Variants in AQP10 observed in about 807,000 individuals in gnomAD.
AQP10 encodes the protein aquaporin 10, also known as aquaporin-10.
AQP10 carries 15 observed loss-of-function variants against 21.0 expected under a neutral mutation model. That is an observed-to-expected ratio of 0.71 (90% CI 0.48 to 1.10). The LOEUF is 1.10. Ranked by LOEUF, AQP10 falls within the 50% of genes least tolerant of loss-of-function variation. The probability of loss-of-function intolerance (pLI) is 0.00; values close to 1 mark genes in which losing one functional copy is unlikely to be tolerated. For missense variants in AQP10, 268 were observed against 379.5 expected, an observed-to-expected ratio of 0.71 and a Z score of 2.44; for synonymous variants, 143 against 155.7, an observed-to-expected ratio of 0.92 and a Z score of 0.61.
intron 2 of AQP10, 127 bp from the exon 3 acceptor site, chr1:154,322,855 T>G: frequency 8.0e-7 from 1 of 1,245,062 alleles, no homozygotes; most frequent in South Asian, 1.4e-5. Context: ...CTCAATTTCC[T>G]AAGCTGTGTG....
At position 154,323,773 on chromosome 1, in the gene AQP10, C is replaced by T; in HGVS notation, c.674C>T (p.Thr225Ile). Reference sequence around the variant, plus strand: ...CGGGACCTGGGCCCACGTCTCTTCACCTACGTGGCTGGCTGGGGTCCTGAA... The same window carrying T: ...CGGGACCTGGGCCCACGTCTCTTCATCTACGTGGCTGGCTGGGGTCCTGAA... ...PARDLGPRLF[T>I]YVAGWGPEVF... The change falls in exon 5 of 6, where the codon ACC (threonine) becomes ATC (isoleucine). Residue 225 changes from threonine to isoleucine, a missense_variant. By Grantham distance (89) the Thr-to-Ile change is moderately conservative. This residue lies in a region of AQP10 where 229 missense variants were observed against 295.1 expected (regional missense o/e 0.78). Transcript: ENST00000324978. This position sits in a 1 kb window ranked among gnomAD's most constrained non-coding sequence, Gnocchi z 4.5. The T allele has an allele frequency of 6.2e-7, 1 of 1,614,212 alleles. No homozygotes were observed. The highest frequency in any genetic ancestry group is 8.5e-7 in the Non-Finnish European group (1 of 1,180,024).
chr1:154,324,700 C>A lies in AQP10; in HGVS notation c.*220C>A. On this transcript the variant is annotated 3_prime_UTR_variant, in exon 6 of 6. Transcript: ENST00000324978. ...TCAGGCTTCTCATCCCCTCCTCCCG[C>A]AAAGCGGTTTTCTGACCCTCAGGGC... The A allele has an allele frequency of 2.0e-6, 1 of 491,164 alleles. No individual in the cohort carries two copies. Among genetic ancestry groups the A allele is most frequent in the Non-Finnish European group, 3.5e-6 (1 of 283,510 alleles). 30.4% of individuals were successfully genotyped at this position (491,164 alleles called of 1,614,324 possible).
intron 1 of AQP10, among the ~76,000 whole-genome samples, chr1:154,321,704 C>G (rs1685644655): frequency 6.6e-6 from 1 of 152,120 alleles, no homozygotes; most frequent in South Asian, 2.1e-4. Context: ...GGGTTTGTAC[C>G]CTCAAATGCC....
In AQP10 at chr1:154,324,549, A is replaced by G; in HGVS notation, c.*69A>G. 2.7e-6 allele frequency: 4 copies of G among 1,493,512 alleles called. No homozygotes were observed. The highest frequency in any genetic ancestry group is 3.6e-6 in the Non-Finnish European group (4 of 1,096,470). The allele number at this position is 1,493,512 out of a possible 1,614,324, so 92.5% of individuals were successfully genotyped here. A position where few individuals can be genotyped will look rare whatever the true frequency, so the allele number is the denominator to read the frequency against. On this transcript the variant is annotated 3_prime_UTR_variant, in exon 6 of 6. Coordinates refer to ENST00000324978, the MANE Select transcript of AQP10 (RefSeq NM_080429.3). ...CTGACCCCGCCTGGGAACAACAGTC[A>G]TTCTTCCTCTTTGTTAATGTGCCAG...
In AQP10 at chr1:154,324,582, G is replaced by A; in HGVS notation, c.*102G>A. The A allele has an allele frequency of 1.6e-6, 2 of 1,251,832 alleles. No individual in the cohort carries two copies. Among genetic ancestry groups the A allele is most frequent in the Non-Finnish European group, 2.2e-6 (2 of 903,382 alleles). 77.5% of individuals were successfully genotyped at this position (1,251,832 alleles called of 1,614,324 possible). The stretch of plus-strand genomic sequence containing the variant: ...TCTTTGTTAATGTGCCAGAACCTGG[G>A]AGGCTTCTCTGTTTATCTGTTTGGC... On this transcript the variant is annotated 3_prime_UTR_variant, in exon 6 of 6. Coordinates refer to ENST00000324978, the MANE Select transcript of AQP10 (RefSeq NM_080429.3).
At position 154,323,286 on chromosome 1, in the gene AQP10, C is replaced by T; in HGVS notation, c.416C>T (p.Pro139Leu). The T allele has an allele frequency of 6.2e-7, 1 of 1,614,176 alleles. No homozygotes were observed. The highest frequency in any genetic ancestry group is 8.5e-7 in the Non-Finnish European group (1 of 1,180,036). Residue 139 changes from proline to leucine, a missense_variant, in exon 4 of 6, where the codon CCC becomes CTC. Around this residue, in one of 3 missense-constraint regions of AQP10, gnomAD observed 229 missense variants for 295.1 expected, o/e 0.78. Coordinates refer to ENST00000324978, the MANE Select transcript of AQP10 (RefSeq NM_080429.3). The surrounding 1 kb of genome is among the most constrained non-coding windows in gnomAD (Gnocchi z 4.5). ...GGTGGGAACCTGACAGTGACTGGCCCCAAGGAGACAGCCTCCATTTTTGCC... is the reference window on the plus strand; with the variant it reads ...GGTGGGAACCTGACAGTGACTGGCCTCAAGGAGACAGCCTCCATTTTTGCC... The part of the protein sequence containing the change: ...YTGGNLTVTG[P>L]KETASIFATY...
chr1:154,324,617 T>G lies in AQP10; in HGVS notation c.*137T>G. On this transcript the variant is annotated 3_prime_UTR_variant, in exon 6 of 6. Coordinates refer to ENST00000324978, the MANE Select transcript of AQP10 (RefSeq NM_080429.3). ...TGTTTATCTGTTTGGCATCCCTTCC[T>G]CCTAAACTAAGAAGGATCCTGGACA... is the stretch of plus-strand genomic sequence containing the variant. The G allele has an allele frequency of 1.1e-6, 1 of 874,168 alleles. No individual in the cohort carries two copies. The highest frequency in any genetic ancestry group is 1.7e-6 in the Non-Finnish European group (1 of 585,138). 54.2% of individuals were successfully genotyped at this position (874,168 alleles called of 1,614,324 possible). A position where few individuals can be genotyped will look rare whatever the true frequency, so the allele number is the denominator to read the frequency against.
Position 154,324,562 on chromosome 1 carries a change from G to T in AQP10, c.*82G>T. ...GGAACAACAGTCATTCTTCCTCTTT[G>T]TTAATGTGCCAGAACCTGGGAGGCT... On this transcript the variant is annotated 3_prime_UTR_variant, in exon 6 of 6. Coordinates refer to ENST00000324978, the MANE Select transcript of AQP10 (RefSeq NM_080429.3). 1 of 1,423,996 alleles carries T rather than the reference G, an allele frequency of 7.0e-7. No individual in the cohort carries two copies. Among genetic ancestry groups the T allele is most frequent in the South Asian group, 1.3e-5 (1 of 76,052 alleles). The allele number at this position is 1,423,996 out of a possible 1,614,324, so 88.2% of individuals were successfully genotyped here.
chr1:154,323,532 G>A lies in AQP10; in HGVS notation c.490-57G>A, dbSNP rs529013967. The A allele has an allele frequency of 3.2e-6, 5 of 1,570,358 alleles. No individual in the cohort carries two copies. Among genetic ancestry groups the A allele is most frequent in the African/African-American group, 1.3e-5 (1 of 74,084 alleles). On this transcript the variant is annotated intron_variant, in intron 4 of 5. Coordinates refer to ENST00000324978, the MANE Select transcript of AQP10 (RefSeq NM_080429.3). This position sits in a 1 kb window ranked among gnomAD's most constrained non-coding sequence, Gnocchi z 4.5. Reference sequence around the variant, plus strand: ...TGACATGGAATATTTGGATGAGAGAGGGCAGATGGAGCACCTGGCAGCTGA... The same window carrying A: ...TGACATGGAATATTTGGATGAGAGAAGGCAGATGGAGCACCTGGCAGCTGA...
chr1:154,322,489 C>CTTTTT (rs5777905), intron 2 of AQP10, among the ~76,000 whole-genome samples: 15 of 117,852 alleles, frequency 1.3e-4, no homozygotes, highest in East Asian at 5.0e-4. Flanking sequence ...GTGTCTTCTT[C>CTTTTT]TTTTTTTTTT....
At position 154,321,223 on chromosome 1, in the gene AQP10, A is replaced by T. The variant is rs1237901669; in HGVS notation, c.68A>T (p.Gln23Leu). The T allele has an allele frequency of 6.2e-7, 1 of 1,613,654 alleles. No individual in the cohort carries two copies. Among genetic ancestry groups the T allele is most frequent in the Non-Finnish European group, 8.5e-7 (1 of 1,179,860 alleles). ...CGGATACGCAGCCTCCTGGCCCGGC[A>T]GTGCCTGGCAGAGTTTCTGGGTGTG... ...HLRIRSLLAR[Q>L]CLAEFLGVFV... is the part of the protein sequence containing the mutation. The change falls in exon 1 of 6, where the codon CAG (glutamine) becomes CTG (leucine). Residue 23 changes from glutamine to leucine, a missense_variant. Gln to Leu is a moderately radical substitution (Grantham distance 113). Transcript: ENST00000324978.
chr1:154,323,666 G>A lies in AQP10; in HGVS notation c.567G>A (p.Leu189=). The A allele has an allele frequency of 6.2e-7, 1 of 1,614,228 alleles. No homozygotes were observed. The highest frequency in any genetic ancestry group is 8.5e-7 in the Non-Finnish European group (1 of 1,180,044). The change falls in exon 5 of 6, where the codon CTG becomes CTA. Residue 189 remains leucine, a synonymous_variant. Transcript: ENST00000324978. The surrounding 1 kb of genome is among the most constrained non-coding windows in gnomAD (Gnocchi z 4.5). ...DRRNKGVPAG[L]EPVVVGMLIL... Reference sequence around the variant, plus strand: ...GGAACAAGGGAGTCCCTGCGGGTCTGGAGCCTGTGGTGGTGGGGATGCTGA... The same window carrying A: ...GGAACAAGGGAGTCCCTGCGGGTCTAGAGCCTGTGGTGGTGGGGATGCTGA...
chr1:154,321,329 T>G (rs1414407239), intron 1 of AQP10, 69 bp downstream of exon 1: 1 of 1,299,904 alleles, frequency 7.7e-7, no homozygotes, highest in Non-Finnish European at 1.1e-6. Context: ...TCTGTTGTCC[T>G]TATCTCTTTC....
Position 154,323,171 on chromosome 1 carries a change from A to C in AQP10, c.370+52A>C. 6.2e-7 allele frequency: 1 copy of C among 1,613,994 alleles called. No homozygotes were observed. Among genetic ancestry groups the C allele is most frequent in the Non-Finnish European group, 8.5e-7 (1 of 1,179,868 alleles). ...GCCTTGAGAGCACCTGTGGGTGGGC[A>C]GGGGTGCCTCAGAATGGTTTTGGAT... On this transcript the variant is annotated intron_variant, in intron 3 of 5. Coordinates refer to ENST00000324978, the MANE Select transcript of AQP10 (RefSeq NM_080429.3). This position sits in a 1 kb window ranked among gnomAD's most constrained non-coding sequence, Gnocchi z 4.5.
chr1:154,324,189 T>G, intron 5 of AQP10, 93 bp from the exon 6 acceptor site: 1 of 1,286,340 alleles, frequency 7.8e-7, no homozygotes, highest in East Asian at 2.4e-5. Context: ...GGGAACAACT[T>G]TAGGGCACTC....
At position 154,321,104 on chromosome 1, in the gene AQP10, G is replaced by T. The variant is rs547020741; in HGVS notation, c.-52G>T. The T allele has an allele frequency of 2.5e-5, 36 of 1,443,978 alleles. 1 individual carries two copies. In the South Asian group the frequency reaches 4.1e-4, roughly 17 times the overall value. 89.4% of individuals were successfully genotyped at this position (1,443,978 alleles called of 1,614,324 possible). ...GGCAGGCAGTAGCTGTGCAGTGACA[G>T]TGTGCCTATGCAGACAGAGGGAGCA... On this transcript the variant is annotated 5_prime_UTR_variant, in exon 1 of 6. Transcript: ENST00000324978.
chr1:154,323,653 T>C lies in AQP10; in HGVS notation c.554T>C (p.Val185Ala). Residue 185 changes from valine to alanine, a missense_variant, in exon 5 of 6, where the codon GTC becomes GCC. By Grantham distance (64) the Val-to-Ala change is moderately conservative (BLOSUM62 0). Coordinates refer to ENST00000324978, the MANE Select transcript of AQP10 (RefSeq NM_080429.3). The surrounding 1 kb of genome is among the most constrained non-coding windows in gnomAD (Gnocchi z 4.5). ...ATCCTGGACAGACGGAACAAGGGAG[T>C]CCCTGCGGGTCTGGAGCCTGTGGTG... ...LAILDRRNKG[V>A]PAGLEPVVVG... 6.2e-7 allele frequency: 1 copy of C among 1,613,948 alleles called. No individual in the cohort carries two copies. The highest frequency in any genetic ancestry group is 8.5e-7 in the Non-Finnish European group (1 of 1,179,990).
Position 154,323,783 on chromosome 1 carries a change from T to C in AQP10, c.684T>C (p.Ala228=). 6.2e-7 allele frequency: 1 copy of C among 1,614,168 alleles called. No homozygotes were observed. The highest frequency in any genetic ancestry group is 8.5e-7 in the Non-Finnish European group (1 of 1,180,006). ...DLGPRLFTYV[A]GWGPEVFSAG... is the part of the protein sequence containing the mutation. ...GCCCACGTCTCTTCACCTACGTGGC[T>C]GGCTGGGGTCCTGAAGTCTTCAGGT... Residue 228 remains alanine (A), a synonymous_variant, in exon 5 of 6, where the codon GCT becomes GCC. Transcript: ENST00000324978. This position sits in a 1 kb window ranked among gnomAD's most constrained non-coding sequence, Gnocchi z 4.5.
rs1295974063 is a variant in AQP10, at chr1:154,324,313, G to T, written c.739G>T (p.Val247Leu). 2 of 1,570,304 alleles carry T rather than the reference G, an allele frequency of 1.3e-6. No individual in the cohort carries two copies. Among genetic ancestry groups the T allele is most frequent in the South Asian group, 2.4e-5 (2 of 84,586 alleles). The change falls in exon 6 of 6, where the codon GTG becomes TTG. Residue 247 changes from valine to leucine, a missense_variant. Val to Leu is a conservative substitution (Grantham distance 32). Coordinates refer to ENST00000324978, the MANE Select transcript of AQP10 (RefSeq NM_080429.3). ...AGNGWWWVPV[V>L]APLVGATVGT... Reference sequence around the variant, plus strand: ...TAATGGCTGGTGGTGGGTGCCTGTGGTGGCCCCTCTGGTGGGGGCCACCGT... The same window carrying T: ...TAATGGCTGGTGGTGGGTGCCTGTGTTGGCCCCTCTGGTGGGGGCCACCGT...
Sources: gnomAD v4.1 joint callset for allele counts (sites outside exome capture counted in the v4.1 genomes callset) on GRCh38, gnomAD v4.1.1 for gene constraint, gnomAD v4.1.1 regional missense constraint, Gnocchi (gnomAD v3.1) non-coding constraint, MANE v1.5 for transcripts, NCBI Gene and HGNC (gene_info 2026-07-23, HGNC 2026-07-21) for gene names.